FCRL4: variants seen among roughly 807,000 people sequenced by gnomAD.
FCRL4 encodes the protein Fc receptor-like protein 4.
A neutral mutation model predicts 64.1 loss-of-function variants in FCRL4; 43 were observed. The observed-to-expected ratio is 0.67, with a 90% CI of 0.53 to 0.87. The LOEUF (loss-of-function observed/expected upper bound fraction) is 0.87. FCRL4 is among the 40% of genes least tolerant of loss of function. The pLI, the probability that FCRL4 is intolerant of heterozygous loss-of-function variation, is 0.00. For synonymous variants in FCRL4, 253 were observed against 239.8 expected (o/e 1.05, Z -0.51); for missense variants, 656 against 613.5 (o/e 1.07, Z -0.73).
chr1:157,585,673 A>G (rs1035492854), intron 6 of FCRL4, among the ~76,000 whole-genome samples: 25 of 152,152 alleles, frequency 1.6e-4, no homozygotes, highest in Admixed American at 2.0e-4. Flanking sequence ...CCTGACCCAC[A>G]TACAATTTGG....
At chr1:157,597,827 C>A in intron 1 of FCRL4, 87 bp downstream of exon 1, 1 of 1,038,192 alleles carries the variant, frequency 9.6e-7, no homozygotes, top group South Asian at 1.5e-5. Flanking sequence ...GAGTAAAAAT[C>A]CATGATTGCA....
Position 157,587,580 on chromosome 1 carries a change from C to G in FCRL4, c.563-20G>C. On this transcript the variant is annotated intron_variant, in intron 4 of 11. Coordinates refer to ENST00000271532, the MANE Select transcript of FCRL4 (RefSeq NM_031282.3). ...ATAGTTCTAGAGAGAAGAGGTAAGT[C>G]AAGTTCTGAGCACGAGAGTATTTAG... 1 of 1,608,674 alleles carries G rather than the reference C, an allele frequency of 6.2e-7. No homozygotes were observed. Among genetic ancestry groups the G allele is most frequent in the Non-Finnish European group, 8.5e-7 (1 of 1,178,358 alleles).
At chr1:157,585,344 C>CTCTCTCTCTCTTTCTT (rs1386601138) in intron 6 of FCRL4, among the ~76,000 whole-genome samples, 3 of 81,276 alleles carry the variant, frequency 3.7e-5, no homozygotes, top group Admixed American at 2.7e-4. Context: ...CTTTCTCTCT[C>CTCTCTCTCTCTTTCTT]TCTTTCTTTC....
At chr1:157,595,732 G>A (rs1179574561) in intron 2 of FCRL4, among the ~76,000 whole-genome samples, 1 of 152,236 alleles carries the variant, frequency 6.6e-6, no homozygotes, top group African/African-American at 2.4e-5. Context: ...CCTCAAGGGG[G>A]CCAAGGCCCT....
chr1:157,577,245 CTGAAGTGATTT>C (rs1451088396), intron 10 of FCRL4, among the ~76,000 whole-genome samples: 1 of 152,178 alleles, frequency 6.6e-6, no homozygotes, highest in Admixed American at 6.5e-5. Flanking sequence ...TCTTGAACTT[CTGAAGTGATTT>C]TGAAGTGATT....
chr1:157,577,852 G>A (rs1652450112), intron 10 of FCRL4, among the ~76,000 whole-genome samples: 1 of 152,124 alleles, frequency 6.6e-6, no homozygotes, highest in South Asian at 2.1e-4. Flanking sequence ...TGTAATTAAT[G>A]GACCATCTGA....
intron 2 of FCRL4, among the ~76,000 whole-genome samples, chr1:157,592,247 G>A (rs1182827136): frequency 6.6e-6 from 1 of 151,998 alleles, no homozygotes; most frequent in Non-Finnish European, 1.5e-5. Context: ...TAGACAAATG[G>A]GATCTAATTA....
chr1:157,588,228 G>GC, intron 3 of FCRL4, 109 bp from the exon 4 acceptor site: 1 of 1,344,368 alleles, frequency 7.4e-7, no homozygotes, highest in Non-Finnish European at 1.0e-6. Flanking sequence ...ACAGGATGTA[G>GC]TTTCCTGATC....
At position 157,587,876 on chromosome 1, in the gene FCRL4, A is replaced by G. The variant is rs1348894516; in HGVS notation, c.551T>C (p.Ile184Thr). 6.2e-7 allele frequency: 1 copy of G among 1,605,554 alleles called. No individual in the cohort carries two copies. The highest frequency in any genetic ancestry group is 2.2e-5 in the East Asian group (1 of 44,802). Residue 184 changes from isoleucine to threonine, a missense_variant, in exon 4 of 12, where the codon ATT becomes ACT. Transcript: ENST00000271532. ...ACTGAAAGATTCACCTTGAATTTTA[A>G]TTATTTTGAAATTTGATCTAAATAC... is the stretch of plus-strand genomic sequence containing the variant. ...NDVFRSNFKI[I>T]KIQELFPHPE...
In FCRL4 at chr1:157,589,289, G is replaced by A. The variant is rs775702610; in HGVS notation, c.222C>T (p.Thr74=). The change falls in exon 3 of 12, where the codon ACC becomes ACT. Residue 74 remains threonine, a synonymous_variant. Coordinates refer to ENST00000271532, the MANE Select transcript of FCRL4 (RefSeq NM_031282.3). The part of the protein sequence containing the change: ...GEKLTLTPGN[T]LEVRESGLYR... ...ACAGTCCAGATTCCCGAACCTCGAG[G>A]GTGTTTCCTGGGGTCAGGGTCAACT... is the stretch of plus-strand genomic sequence containing the variant. The A allele has an allele frequency of 1.9e-6, 3 of 1,614,156 alleles. No individual in the cohort carries two copies. The South Asian group carries it at 3.3e-5, about 18-fold the overall frequency.
intron 7 of FCRL4, among the ~76,000 whole-genome samples, chr1:157,580,756 C>A (rs1652541641): frequency 6.6e-6 from 1 of 152,198 alleles, no homozygotes; most frequent in African/African-American, 2.4e-5. Context: ...AAGCTCCCTA[C>A]CTCCAGTTCA....
intron 8 of FCRL4, 88 bp from the exon 9 acceptor site, chr1:157,578,940 G>A: frequency 9.2e-7 from 1 of 1,088,594 alleles, no homozygotes; most frequent in Non-Finnish European, 1.3e-6. Context: ...AGAGGAGAAA[G>A]AGGATTTGGA....
At chr1:157,582,341 C>A (rs9787105) in intron 6 of FCRL4, among the ~76,000 whole-genome samples, 56,809 of 151,776 alleles carry the variant, frequency 0.37, 11,809 homozygotes, top group East Asian at 0.73. Flanking sequence ...CCTTGAAGAC[C>A]CAAGAGTGAA....
intron 1 of FCRL4, among the ~76,000 whole-genome samples, 195 bp from the exon 2 acceptor site, chr1:157,596,543 T>G (rs1476196803): frequency 6.6e-6 from 1 of 152,188 alleles, no homozygotes; most frequent in African/African-American, 2.4e-5. Context: ...GGTTTGAATT[T>G]TAGCTGTATG....
At chr1:157,590,762 C>T (rs146260761) in intron 2 of FCRL4, among the ~76,000 whole-genome samples, 177 of 152,250 alleles carry the variant, frequency 1.2e-3, no homozygotes, top group African/African-American at 3.7e-3. Context: ...CGTGATCCAC[C>T]TGCTTCAGCC....
chr1:157,580,518 A>G (rs923626881), intron 7 of FCRL4, 170 bp from the exon 8 acceptor site: 8 of 677,826 alleles, frequency 1.2e-5, no homozygotes, highest in East Asian at 2.7e-5. Flanking sequence ...CAAAGCATAT[A>G]ACTTTTTGAG....
intron 2 of FCRL4, among the ~76,000 whole-genome samples, chr1:157,592,352 C>CA: frequency 1.3e-5 from 2 of 151,888 alleles, no homozygotes; most frequent in South Asian, 4.2e-4. Context: ...ACCCATCTGA[C>CA]AAAGGCTAAT....
At chr1:157,589,131 C>T (rs748566770) in intron 3 of FCRL4, 73 bp downstream of exon 3, 55 of 1,512,286 alleles carry the variant, frequency 3.6e-5, no homozygotes, top group African/African-American at 1.2e-4. Flanking sequence ...GACCCCAGTT[C>T]GTGGAATCTC....
intron 3 of FCRL4, 54 bp from the exon 4 acceptor site, chr1:157,588,173 T>C: frequency 2.0e-6 from 3 of 1,534,954 alleles, no homozygotes; most frequent in Non-Finnish European, 2.6e-6. Context: ...GCTATCTCCT[T>C]CTTCTCTTGA....
Sources: allele counts gnomAD v4.1 joint callset (sites outside exome capture counted in the v4.1 genomes callset), GRCh38; gene constraint gnomAD v4.1.1; transcripts MANE v1.5; gene names NCBI Gene and HGNC (gene_info 2026-07-23, HGNC 2026-07-21).